Variants in GPR107 observed in about 807,000 individuals in gnomAD.
GPR107 encodes G protein-coupled receptor 107.
Under a neutral mutation model 75.5 loss-of-function variants are expected in GPR107, and 31 were observed. The observed-to-expected ratio is 0.41, with a 90% CI of 0.31 to 0.55. The LOEUF is 0.55. Ranked by LOEUF, GPR107 falls within the 20% of genes least tolerant of loss-of-function variation. The pLI is 0.26. For missense variants in GPR107, 572 were observed against 665.7 expected (o/e 0.86, Z 1.55); for synonymous variants, 267 against 251.3 (o/e 1.06, Z -0.59).
intron 1 of GPR107, among the ~76,000 whole-genome samples, chr9:130,056,115 G>C (rs1365554099): frequency 1.3e-5 from 2 of 151,718 alleles, no homozygotes; most frequent in South Asian, 4.2e-4. Flanking sequence ...AGAATCTGTT[G>C]AGAGCTATAG....
intron 1 of GPR107, among the ~76,000 whole-genome samples, chr9:130,056,947 A>G (rs1308656524): frequency 1.3e-5 from 2 of 149,174 alleles, no homozygotes; most frequent in East Asian, 1.9e-4. Context: ...AAAAAAAAAA[A>G]AAAAGAAAGT....
At chr9:130,125,438 C>T (rs1411185502) in intron 15 of GPR107, among the ~76,000 whole-genome samples, 1 of 148,708 alleles carries the variant, frequency 6.7e-6, no homozygotes, top group African/African-American at 2.5e-5. Flanking sequence ...CTCTATGCTA[C>T]CTTAAGATGG....
At position 130,113,453 on chromosome 9, in the gene GPR107, A is replaced by G. The variant is rs116411471; in HGVS notation, c.1306+5914A>G. ...CAATTTGTTGCCCAAGCTGGTCTCA[A>G]ACTCTGACCTCAAGTGATCCACCCA... On this transcript the variant is annotated intron_variant, in intron 14 of 17. Transcript: ENST00000347136. Among the ~76,000 whole-genome samples the G allele has an allele frequency of 8.1e-3, 1,234 of 152,050 alleles. 26 individuals are homozygous for G. The highest frequency in any genetic ancestry group is 0.028 in the African/African-American group (1,180 of 41,450).
intron 4 of GPR107, among the ~76,000 whole-genome samples, chr9:130,077,941 G>A (rs545541862): frequency 3.3e-5 from 5 of 152,284 alleles, no homozygotes; most frequent in South Asian, 2.1e-4. Context: ...CGAGGCGGAC[G>A]GATCACGAGG....
intron 14 of GPR107, chr9:130,114,733 A>G: frequency 4.0e-6 from 4 of 1,010,208 alleles, no homozygotes; most frequent in South Asian, 3.2e-5. Flanking sequence ...TACTAACCGA[A>G]AAACTTGGGG....
At chr9:130,078,502 A>G (rs920283378) in intron 4 of GPR107, among the ~76,000 whole-genome samples, 4 of 152,210 alleles carry the variant, frequency 2.6e-5, no homozygotes, top group African/African-American at 9.6e-5. Flanking sequence ...TGGTCAGTCT[A>G]CTTTTGGAAG....
intron 14 of GPR107, among the ~76,000 whole-genome samples, chr9:130,117,618 G>A (rs1297644411): frequency 6.6e-6 from 1 of 152,186 alleles, no homozygotes; most frequent in Non-Finnish European, 1.5e-5. Flanking sequence ...AGCAGATTGT[G>A]GAAATGCCGA....
intron 1 of GPR107, among the ~76,000 whole-genome samples, chr9:130,054,323 C>T (rs1463754578): frequency 6.6e-6 from 1 of 152,186 alleles, no homozygotes; most frequent in Non-Finnish European, 1.5e-5. Flanking sequence ...TGTGGCGTTG[C>T]CCCCACGGAC....
In GPR107 at chr9:130,127,564, C is replaced by G; in HGVS notation, c.1438C>G (p.Gln480Glu). 1 of 1,547,574 alleles carries G rather than the reference C, an allele frequency of 6.5e-7. No individual in the cohort carries two copies. Among genetic ancestry groups the G allele is most frequent in the Non-Finnish European group, 8.9e-7 (1 of 1,119,238 alleles). Residue 480 changes from glutamine (Q) to glutamate (E), a missense_variant and splice_region_variant, in exon 16 of 18, where the codon CAG (glutamine) becomes GAG (glutamate). By Grantham distance (29) the Gln-to-Glu change is conservative. Coordinates refer to ENST00000347136, the MANE Select transcript of GPR107 (RefSeq NM_020960.5). ...AVPFQWKWLY[Q>E]LLDETATLVF... ...TCCATTCCAGTGGAAGTGGCTCTAC[C>G]AGGTACGCTGCTCACAGGGCAGAAT...
At chr9:130,078,689 A>G (rs7848363) in intron 4 of GPR107, among the ~76,000 whole-genome samples, 2,461 of 152,288 alleles carry the variant, frequency 0.016, 74 homozygotes, top group African/African-American at 0.056. Flanking sequence ...TTCCTCAGGC[A>G]GGTTTCCCAG....
intron 14 of GPR107, among the ~76,000 whole-genome samples, chr9:130,121,314 G>A (rs139226034): frequency 6.6e-6 from 1 of 152,228 alleles, no homozygotes; most frequent in African/African-American, 2.4e-5. Context: ...TAACACTAAC[G>A]ATAGCTGATT....
intron 8 of GPR107, among the ~76,000 whole-genome samples, chr9:130,091,295 T>C (rs1193376475): frequency 6.6e-6 from 1 of 151,984 alleles, no homozygotes; most frequent in African/African-American, 2.4e-5. Context: ...TTGAGACCAG[T>C]GTGGGCAATA....
chr9:130,081,498 C>A (rs185259035), intron 5 of GPR107, among the ~76,000 whole-genome samples: 7 of 151,832 alleles, frequency 4.6e-5, no homozygotes, highest in Admixed American at 3.3e-4. Flanking sequence ...ATGGTGAAAC[C>A]CCGTCTCTAC....
chr9:130,109,234 G>A (rs534047696), intron 14 of GPR107, among the ~76,000 whole-genome samples: 3 of 152,102 alleles, frequency 2.0e-5, no homozygotes, highest in South Asian at 2.1e-4. Context: ...GCAGTGGCAC[G>A]ATCTCTGCTC....
Position 130,136,951 on chromosome 9 carries a change from G to A in GPR107, c.*1830G>A, listed in dbSNP as rs1039644393. 3.9e-5 allele frequency: 6 copies of A among 152,206 alleles called. No homozygotes were observed. Among genetic ancestry groups the A allele is most frequent in the African/African-American group, 1.4e-4 (6 of 41,434 alleles). 9.4% of individuals were successfully genotyped at this position (152,206 alleles called of 1,614,324 possible). A position where few individuals can be genotyped will look rare whatever the true frequency, so the allele number is the denominator to read the frequency against. On this transcript the variant is annotated 3_prime_UTR_variant, in exon 18 of 18. Coordinates refer to ENST00000347136, the MANE Select transcript of GPR107 (RefSeq NM_020960.5). Reference sequence around the variant, plus strand: ...CTGGACCTTTTTCAAGTTCACTTGGGACTGTGTGACAGAAGGGAGTTGGAG... The same window carrying A: ...CTGGACCTTTTTCAAGTTCACTTGGAACTGTGTGACAGAAGGGAGTTGGAG...
Position 130,103,022 on chromosome 9 carries a change from C to A in GPR107, c.1132-1398C>A, listed in dbSNP as rs180752515. On this transcript the variant is annotated intron_variant, in intron 12 of 17. Coordinates refer to ENST00000347136, the MANE Select transcript of GPR107 (RefSeq NM_020960.5). This position sits in a 1 kb window ranked among gnomAD's most constrained non-coding sequence, Gnocchi z 4.3. ...CCCAGGCTGGTGTCAAACTCCTGGGCTCAAGCAATCCTTCTGCCTTGGCTC... is the reference window on the plus strand; with the variant it reads ...CCCAGGCTGGTGTCAAACTCCTGGGATCAAGCAATCCTTCTGCCTTGGCTC... Among the ~76,000 whole-genome samples the A allele has an allele frequency of 1.3e-5, 2 of 152,002 alleles. No individual in the cohort carries two copies. The highest frequency in any genetic ancestry group is 2.9e-5 in the Non-Finnish European group (2 of 68,018).
At chr9:130,131,161 C>T (rs868977281) in intron 17 of GPR107, among the ~76,000 whole-genome samples, 12 of 152,156 alleles carry the variant, frequency 7.9e-5, no homozygotes, top group East Asian at 1.9e-4. Context: ...GAAGCCCCAC[C>T]GCCGTATGTT....
intron 5 of GPR107, among the ~76,000 whole-genome samples, chr9:130,081,109 G>T (rs1830485718): frequency 6.6e-6 from 1 of 152,152 alleles, no homozygotes; most frequent in African/African-American, 2.4e-5. Context: ...AACTCCTCAA[G>T]AGACTGAGGC....
chr9:130,085,754 A>ATTTTTGTTTTTTTTTTTTTTTTTTTT (rs1830598440), intron 6 of GPR107, among the ~76,000 whole-genome samples: 1 of 78,674 alleles, frequency 1.3e-5, no homozygotes, highest in Non-Finnish European at 2.4e-5. Flanking sequence ...CAATATTTTG[A>ATTTTTGTTTTTTTTTTTTTTTTTTTT]TTTTTTTTTT....
Sources: allele counts gnomAD v4.1 joint callset (sites outside exome capture counted in the v4.1 genomes callset), GRCh38; gene constraint gnomAD v4.1.1; non-coding constraint Gnocchi (gnomAD v3.1); transcripts MANE v1.5; gene names NCBI Gene and HGNC (gene_info 2026-07-23, HGNC 2026-07-21).